The following CYLD variants were observed in gnomAD, a reference collection of about 807,000 sequenced individuals.
CYLD encodes CYLD lysine 63 deubiquitinase.
A neutral mutation model predicts 104.5 loss-of-function variants in CYLD; 26 were observed. That is an observed-to-expected ratio of 0.25 (90% CI 0.18 to 0.35). The LOEUF is 0.35. Ranked by LOEUF, CYLD falls within the 10% of genes least tolerant of loss-of-function variation. The pLI, the probability that CYLD is intolerant of heterozygous loss-of-function variation, is 1.00. For missense variants in CYLD, 703 were observed against 1,136.1 expected (o/e 0.62, Z 5.48); for synonymous variants, 385 against 399.9 (o/e 0.96, Z 0.45).
At chr16:50,762,723 G>A (rs549038277) in intron 5 of CYLD, among the ~76,000 whole-genome samples, 13 of 152,258 alleles carry the variant, frequency 8.5e-5, no homozygotes, top group African/African-American at 2.9e-4. Context: ...TATAAACCTT[G>A]TGTATCCTTT....
chr16:50,754,529 T>C, intron 5 of CYLD, 105 bp downstream of exon 5: 3 of 775,118 alleles, frequency 3.9e-6, no homozygotes, highest in Non-Finnish European at 4.3e-6. Flanking sequence ...TTTGGTTACA[T>C]GGATAAGTTC....
chr16:50,785,291 A>C (rs1185607672), intron 12 of CYLD: 2 of 152,222 alleles, frequency 1.3e-5, no homozygotes, highest in African/African-American at 4.8e-5. Flanking sequence ...TAAAGTAAAA[A>C]ATAGTTTGAT....
chr16:50,747,585 A>G (rs181624218), intron 2 of CYLD, among the ~76,000 whole-genome samples: 1 of 152,354 alleles, frequency 6.6e-6, no homozygotes, highest in African/African-American at 2.4e-5. Context: ...AAAAGAACCA[A>G]CACTTCAGTT....
At chr16:50,786,161 C>T (rs1403729590) in intron 12 of CYLD, 2 of 152,138 alleles carry the variant, frequency 1.3e-5, no homozygotes, top group African/African-American at 4.8e-5. Context: ...ATTCCCTTTC[C>T]CATTTCCCTT....
chr16:50,754,347 G>T lies in CYLD; in HGVS notation c.836G>T (p.Arg279Ile). ...MDNPIGNWDGRFDGVQLCSFA... is the reference protein window; with the variant it reads ...MDNPIGNWDGIFDGVQLCSFA... ...AACCCTATTGGCAACTGGGATGGAA[G>T]ATTTGATGGAGTGCAGCTTTGTAGT... Residue 279 changes from arginine to isoleucine, a missense_variant, in exon 5 of 19, where the codon AGA becomes ATA. Arg to Ile is a moderately conservative substitution (Grantham distance 97). Coordinates refer to ENST00000427738, the MANE Select transcript of CYLD (RefSeq NM_001378743.1). 6.2e-7 allele frequency: 1 copy of T among 1,613,330 alleles called. No homozygotes were observed. Among genetic ancestry groups the T allele is most frequent in the Non-Finnish European group, 8.5e-7 (1 of 1,179,424 alleles).
Position 50,794,485 on chromosome 16 carries a change from A to T in CYLD, c.2686+57A>T, listed in dbSNP as rs1433784571. On this transcript the variant is annotated intron_variant, in intron 18 of 18. Transcript: ENST00000427738. This position sits in a 1 kb window ranked among gnomAD's most constrained non-coding sequence, Gnocchi z 4.1. The stretch of plus-strand genomic sequence containing the variant: ...ACAGGGTTCTGGTTTGTAGTGGGAC[A>T]GTTTGTAGTGGGATCGCCTGTTCTG... The T allele has an allele frequency of 6.7e-7, 1 of 1,489,638 alleles. No individual in the cohort carries two copies. Among genetic ancestry groups the T allele is most frequent in the Non-Finnish European group, 9.4e-7 (1 of 1,067,686 alleles). The allele number at this position is 1,489,638 out of a possible 1,614,324, so 92.3% of individuals were successfully genotyped here. A position where few individuals can be genotyped will look rare whatever the true frequency, so the allele number is the denominator to read the frequency against.
Position 50,749,738 on chromosome 16 carries a change from C to T in CYLD, c.40C>T (p.Pro14Ser). Residue 14 changes from proline (P) to serine (S), a missense_variant, in exon 3 of 19, where the codon CCC becomes TCC. Coordinates refer to ENST00000427738, the MANE Select transcript of CYLD (RefSeq NM_001378743.1). ...GLWSQEKVTSPYWEERIFYLL... is the reference protein window; with the variant it reads ...GLWSQEKVTSSYWEERIFYLL... ...ATGGAGCCAAGAAAAAGTCACTTCACCCTACTGGGAAGAGCGGATTTTTTA... is the reference window on the plus strand; with the variant it reads ...ATGGAGCCAAGAAAAAGTCACTTCATCCTACTGGGAAGAGCGGATTTTTTA... 1.9e-6 allele frequency: 3 copies of T among 1,613,840 alleles called. No homozygotes were observed. The highest frequency in any genetic ancestry group is 1.1e-5 in the South Asian group (1 of 91,070).
At chr16:50,771,139 C>A (rs1420966294) in intron 5 of CYLD, among the ~76,000 whole-genome samples, 3 of 152,154 alleles carry the variant, frequency 2.0e-5, no homozygotes, top group East Asian at 3.9e-4. Flanking sequence ...TTCATGGGAA[C>A]CCAGTACCCA....
At chr16:50,779,176 GT>G (rs1366336912) in intron 8 of CYLD, among the ~76,000 whole-genome samples, 2 of 151,748 alleles carry the variant, frequency 1.3e-5, no homozygotes, top group Non-Finnish European at 2.9e-5. Flanking sequence ...TTTAGCTTTT[GT>G]TTTTTTCTGA....
rs1329046980 is a variant in CYLD at position 50,800,401 on chromosome 16, G to T, written c.*3893G>T. The T allele has an allele frequency of 4.3e-6, 1 of 233,094 alleles. No homozygotes were observed. Among genetic ancestry groups the T allele is most frequent in the African/African-American group, 2.2e-5 (1 of 45,268 alleles). 14.4% of individuals were successfully genotyped at this position (233,094 alleles called of 1,614,324 possible). On this transcript the variant is annotated 3_prime_UTR_variant, in exon 19 of 19. Transcript: ENST00000427738. ...TACTGTATTATTCTACGTAAATGTG[G>T]GTACTTGGATGTTTATCATACTGTT...
At chr16:50,742,869 T>C (rs1965829264) in intron 2 of CYLD, 28 bp downstream of exon 2, 1 of 195,912 alleles carries the variant, frequency 5.1e-6, no homozygotes, top group African/African-American at 2.6e-5. Flanking sequence ...TTTTCTTTCA[T>C]GTTAACAATC....
chr16:50,782,029 C>A (rs1183059876), intron 10 of CYLD, among the ~76,000 whole-genome samples: 1 of 152,156 alleles, frequency 6.6e-6, no homozygotes, highest in African/African-American at 2.4e-5. Flanking sequence ...AGTGAAGCAA[C>A]TTCAGATAAA....
chr16:50,758,741 G>T (rs1967563183), intron 5 of CYLD, among the ~76,000 whole-genome samples: 1 of 152,170 alleles, frequency 6.6e-6, no homozygotes, highest in African/African-American at 2.4e-5. Flanking sequence ...GCAACTGGTA[G>T]GCTGGAGAGG....
At chr16:50,784,006 G>A (rs1970555559) in intron 11 of CYLD, 1 of 330,484 alleles carries the variant, frequency 3.0e-6, no homozygotes, top group Non-Finnish European at 5.9e-6. Context: ...ACTGATATTT[G>A]TAGTCTCTCT....
chr16:50,775,271 C>G, intron 6 of CYLD, 97 bp downstream of exon 6: 2 of 955,322 alleles, frequency 2.1e-6, no homozygotes, highest in African/African-American at 3.2e-5. Flanking sequence ...TTCCCTTGAT[C>G]AGTATTTAGG....
rs1314648451 is a variant in CYLD, at chr16:50,780,032, T to C, written c.1506T>C (p.Ala502=). 1 of 1,614,128 alleles carries C rather than the reference T, an allele frequency of 6.2e-7. No individual in the cohort carries two copies. Among genetic ancestry groups the C allele is most frequent in the Admixed American group, 1.7e-5 (1 of 60,024 alleles). Residue 502 remains alanine (A), a synonymous_variant, in exon 9 of 19, where the codon GCT becomes GCC. Coordinates refer to ENST00000427738, the MANE Select transcript of CYLD (RefSeq NM_001378743.1). ...GQPPGLNEVL[A]GLELEDECAG... is the part of the protein sequence containing the mutation. Reference sequence around the variant, plus strand: ...CACCAGGACTGAATGAAGTGCTCGCTGGACTGGAACTGGTAATTTAACTTG... The same window carrying C: ...CACCAGGACTGAATGAAGTGCTCGCCGGACTGGAACTGGTAATTTAACTTG...
intron 4 of CYLD, among the ~76,000 whole-genome samples, chr16:50,752,367 A>G (rs1381109748): frequency 2.0e-5 from 3 of 152,118 alleles, no homozygotes; most frequent in African/African-American, 7.2e-5. Context: ...TATTCTACAC[A>G]ATTTAATGGC....
At chr16:50,783,607 C>T (rs1194099730) in intron 11 of CYLD, among the ~76,000 whole-genome samples, 1 of 152,044 alleles carries the variant, frequency 6.6e-6, no homozygotes, top group African/African-American at 2.4e-5. Context: ...GACGTGATCT[C>T]GGCTCACTGG....
chr16:50,753,448 G>A lies in CYLD; in HGVS notation c.808-871G>A, dbSNP rs529837041. On this transcript the variant is annotated intron_variant, in intron 4 of 18. Transcript: ENST00000427738. Reference sequence around the variant, plus strand: ...TGCCTTTTTCAGATGGCGGTCTGGGGTCAGCTTGTTTACCTGAGGCAAGCT... The same window carrying A: ...TGCCTTTTTCAGATGGCGGTCTGGGATCAGCTTGTTTACCTGAGGCAAGCT... 1.2e-4 allele frequency among the ~76,000 whole-genome samples: 18 copies of A among 152,268 alleles called. No individual in the cohort carries two copies. In the South Asian group the frequency reaches 3.7e-3, roughly 32 times the overall value.
Sources: gnomAD v4.1 joint callset for allele counts (sites outside exome capture counted in the v4.1 genomes callset) on GRCh38, gnomAD v4.1.1 for gene constraint, Gnocchi (gnomAD v3.1) non-coding constraint, MANE v1.5 for transcripts, NCBI Gene and HGNC (gene_info 2026-07-23, HGNC 2026-07-21) for gene names.